RNF135: variants seen among roughly 807,000 people sequenced by gnomAD.
RNF135 encodes the protein ring finger protein 135, also known as E3 ubiquitin-protein ligase RNF135.
Under a neutral mutation model 41.9 loss-of-function variants are expected in RNF135, and 46 were observed. The ratio of observed to expected loss-of-function variants is 1.10; its 90% CI spans 0.87 to 1.40. RNF135 has a LOEUF of 1.40. Ranked by LOEUF, RNF135 falls within the 40% of genes most tolerant of loss-of-function variation. The pLI is 0.00. For missense variants in RNF135, 539 were observed against 549.8 expected, an observed-to-expected ratio of 0.98 and a Z score of 0.20; for synonymous variants, 238 against 223.8, an observed-to-expected ratio of 1.06 and a Z score of -0.57.
chr17:30,964,280 T>C, the RNF135 span, among the ~76,000 whole-genome samples: 2 of 150,418 alleles, frequency 1.3e-5, no homozygotes, highest in Admixed American at 1.3e-4. Flanking sequence ...TCCCAGCTAC[T>C]TGGGAGGCTG....
upstream of RNF135, among the ~76,000 whole-genome samples, chr17:30,969,759 CTTTTTTTT>C (rs757330088): frequency 5.2e-3 from 635 of 122,600 alleles, 1 homozygote; most frequent in Middle Eastern, 0.01. Context: ...TCTTTTTTTT[CTTTTTTTT>C]TTTTTTTTTT....
intron 1 of RNF135, chr17:30,975,817 C>T (rs527410905): frequency 1.3e-4 from 128 of 987,636 alleles, no homozygotes; most frequent in African/African-American, 9.4e-4. Context: ...CAGATGACTT[C>T]GTTGGCCACA....
In RNF135 at chr17:30,984,663, A is replaced by G; in HGVS notation, c.419A>G (p.Glu140Gly). 1 of 1,614,174 alleles carries G rather than the reference A, an allele frequency of 6.2e-7. No individual in the cohort carries two copies. Among genetic ancestry groups the G allele is most frequent in the Non-Finnish European group, 8.5e-7 (1 of 1,180,024 alleles). Reference sequence around the variant, plus strand: ...ACAGAAGTTGCTCAGGAGCTGACAGAGCTGGTGGAACATCTTGTAGACATT... The same window carrying G: ...ACAGAAGTTGCTCAGGAGCTGACAGGGCTGGTGGAACATCTTGTAGACATT... ...SITEVAQELT[E>G]LVEHLVDIVR... The change falls in exon 2 of 5, where the codon GAG becomes GGG. Residue 140 changes from glutamate to glycine, a missense_variant. This residue lies in a region of RNF135 where 277 missense variants were observed against 212.8 expected (regional missense o/e 1.30). Coordinates refer to ENST00000328381, the MANE Select transcript of RNF135 (RefSeq NM_032322.4).
At position 30,999,383 on chromosome 17, in the gene RNF135, G is replaced by C; in HGVS notation, c.*192G>C. On this transcript the variant is annotated 3_prime_UTR_variant, in exon 5 of 5. Coordinates refer to ENST00000328381, the MANE Select transcript of RNF135 (RefSeq NM_032322.4). Reference sequence around the variant, plus strand: ...CCCACCTCAGCCTCCCAAGGTGCTGGGATTACAGGTGTGAGCCACCACACC... The same window carrying C: ...CCCACCTCAGCCTCCCAAGGTGCTGCGATTACAGGTGTGAGCCACCACACC... The C allele has an allele frequency of 1.6e-6, 1 of 629,240 alleles. No homozygotes were observed. The highest frequency in any genetic ancestry group is 2.8e-6 in the Non-Finnish European group (1 of 356,964). The allele number at this position is 629,240 out of a possible 1,614,324, so 39.0% of individuals were successfully genotyped here.
intron 1 of RNF135, chr17:30,971,729 G>C (rs1320351119): frequency 7.7e-7 from 1 of 1,300,742 alleles, no homozygotes; most frequent in Non-Finnish European, 9.7e-7. Flanking sequence ...CTCTTTCTCT[G>C]AAACTTGTAA....
intron 1 of RNF135, among the ~76,000 whole-genome samples, chr17:30,980,760 C>T (rs933919088): frequency 3.0e-5 from 4 of 131,220 alleles, no homozygotes; most frequent in Non-Finnish European, 4.9e-5. Context: ...ACATCTCAGA[C>T]GATGGGCGGC....
At chr17:30,995,583 C>T (rs974941194) in intron 3 of RNF135, among the ~76,000 whole-genome samples, 1 of 152,076 alleles carries the variant, frequency 6.6e-6, no homozygotes, top group Admixed American at 6.6e-5. Flanking sequence ...ATTCCACATT[C>T]CTTCAACCCC....
chr17:30,966,044 C>T (rs754138534), upstream of RNF135, among the ~76,000 whole-genome samples: 2 of 152,222 alleles, frequency 1.3e-5, no homozygotes, highest in African/African-American at 2.4e-5. Flanking sequence ...ATTGTGTCAA[C>T]ATCTCAGCAG....
chr17:30,974,687 T>G lies in RNF135; in HGVS notation c.372+3242T>G, dbSNP rs188904872. On this transcript the variant is annotated intron_variant, in intron 1 of 4. Transcript: ENST00000328381. ...TCCTTTTTATTATTATTATTATTATTATTTTTTTTTGAGACAGAGTCTTGT... is the reference window on the plus strand; with the variant it reads ...TCCTTTTTATTATTATTATTATTATGATTTTTTTTTGAGACAGAGTCTTGT... Among the ~76,000 whole-genome samples the G allele has an allele frequency of 1.9e-3, 294 of 150,844 alleles. 5 individuals carry two copies. Among genetic ancestry groups the G allele is most frequent in the Admixed American group, 0.019 (285 of 15,178 alleles).
intron 1 of RNF135, chr17:30,971,651 C>G (rs149596946): frequency 1.5e-6 from 2 of 1,350,406 alleles, no homozygotes; most frequent in Non-Finnish European, 1.9e-6. Context: ...CCCCATCTTC[C>G]GAAAGCTTGT....
chr17:30,968,604 G>C (rs543185684), upstream of RNF135, among the ~76,000 whole-genome samples: 1 of 151,778 alleles, frequency 6.6e-6, no homozygotes, highest in South Asian at 2.1e-4. Context: ...TAGCCAGAAT[G>C]GTCTCAATCT....
At chr17:30,986,909 G>T (rs1320493800) in intron 2 of RNF135, among the ~76,000 whole-genome samples, 1 of 152,186 alleles carries the variant, frequency 6.6e-6, no homozygotes, top group Non-Finnish European at 1.5e-5. Flanking sequence ...ATTTTTTACA[G>T]GTTGATAAAC....
At chr17:30,979,969 G>A (rs1906923204) in intron 1 of RNF135, among the ~76,000 whole-genome samples, 2 of 106,014 alleles carry the variant, frequency 1.9e-5, no homozygotes, top group Admixed American at 1.7e-4. Flanking sequence ...GGACGGGGCG[G>A]CTGGCCAGGC....
intron 2 of RNF135, among the ~76,000 whole-genome samples, chr17:30,986,132 G>C (rs1801028496): frequency 6.6e-6 from 1 of 151,872 alleles, no homozygotes; most frequent in Non-Finnish European, 1.5e-5. Flanking sequence ...GTAATGTCTT[G>C]TGCCATACTC....
At chr17:30,984,833 G>T (rs1907472403) in intron 2 of RNF135, 73 bp downstream of exon 2, 1 of 1,446,900 alleles carries the variant, frequency 6.9e-7, no homozygotes, top group East Asian at 2.3e-5. Context: ...GGAACAACAT[G>T]AACATATTTG....
intron 3 of RNF135, among the ~76,000 whole-genome samples, chr17:30,992,873 A>G (rs1366063990): frequency 6.6e-6 from 1 of 151,998 alleles, no homozygotes; most frequent in Non-Finnish European, 1.5e-5. Flanking sequence ...AGTTTTAGTT[A>G]GAAAACTCAA....
At chr17:30,997,197 C>T in intron 3 of RNF135, 45 bp from the exon 4 acceptor site, 1 of 1,525,194 alleles carries the variant, frequency 6.6e-7, no homozygotes, top group Non-Finnish European at 9.1e-7. Context: ...TTCAGTTTGC[C>T]TTTTTCTGAT....
chr17:30,975,371 C>T, intron 1 of RNF135: 1 of 752,616 alleles, frequency 1.3e-6, no homozygotes, highest in Non-Finnish European at 2.4e-6. Flanking sequence ...CCCAGGCACA[C>T]ATCTGGATTA....
chr17:30,983,611 C>G (rs1466786507), intron 1 of RNF135, among the ~76,000 whole-genome samples: 1 of 151,580 alleles, frequency 6.6e-6, no homozygotes, highest in Admixed American at 6.6e-5. Context: ...GCCTCGGCCT[C>G]CCAAAGTGCT....
Sources: gnomAD v4.1 joint callset for allele counts (sites outside exome capture counted in the v4.1 genomes callset) on GRCh38, gnomAD v4.1.1 for gene constraint, gnomAD v4.1.1 regional missense constraint, MANE v1.5 for transcripts, NCBI Gene and HGNC (gene_info 2026-07-23, HGNC 2026-07-21) for gene names.